MARK2: variants seen among roughly 807,000 people sequenced by gnomAD.
MARK2 encodes microtubule affinity regulating kinase 2, also known as serine/threonine-protein kinase MARK2.
MARK2 carries 16 observed loss-of-function variants against 89.8 expected under a neutral mutation model. The ratio of observed to expected loss-of-function variants is 0.18; its 90% confidence interval spans 0.12 to 0.27. The LOEUF is 0.27. MARK2 is among the 10% of genes least tolerant of loss of function. The pLI is 1.00. For missense variants in MARK2, 621 were observed against 1,049.9 expected (o/e 0.59, Z 5.65); for synonymous variants, 382 against 399.5 (o/e 0.96, Z 0.52).
At chr11:63,866,584 G>A (rs1938143473) in intron 1 of MARK2, among the ~76,000 whole-genome samples, 1 of 152,166 alleles carries the variant, frequency 6.6e-6, no homozygotes, top group Admixed American at 6.6e-5. Context: ...TTCACATTCA[G>A]AATGCTTCTA....
chr11:63,863,777 A>C (rs1188156188), intron 1 of MARK2, among the ~76,000 whole-genome samples: 3 of 142,618 alleles, frequency 2.1e-5, no homozygotes, highest in East Asian at 2.2e-4. Context: ...CCACACCACC[A>C]CCACTTTTTT....
At chr11:63,862,648 C>A (rs1430620130) in intron 1 of MARK2, among the ~76,000 whole-genome samples, 3 of 152,254 alleles carry the variant, frequency 2.0e-5, no homozygotes, top group South Asian at 4.1e-4. Context: ...CCTCTTTAAC[C>A]CCAGCTTCTG....
At chr11:63,907,615 G>A (rs1941450611) in intron 17 of MARK2, among the ~76,000 whole-genome samples, 1 of 148,660 alleles carries the variant, frequency 6.7e-6, no homozygotes. Context: ...CCCTGCGTAT[G>A]AGCAGATGGC....
At chr11:63,863,855 C>G (rs1937966799) in intron 1 of MARK2, among the ~76,000 whole-genome samples, 1 of 152,154 alleles carries the variant, frequency 6.6e-6, no homozygotes, top group African/African-American at 2.4e-5. Context: ...TCACTGCAGC[C>G]TCAGCCTCCT....
intron 1 of MARK2, among the ~76,000 whole-genome samples, chr11:63,858,423 G>C (rs772694004): frequency 6.6e-6 from 1 of 151,766 alleles, no homozygotes; most frequent in Non-Finnish European, 1.5e-5. Flanking sequence ...GCAATGGCAC[G>C]ATCTCCACTC....
intron 1 of MARK2, among the ~76,000 whole-genome samples, chr11:63,893,796 A>G (rs1940124632): frequency 6.6e-6 from 1 of 152,210 alleles, no homozygotes; most frequent in Non-Finnish European, 1.5e-5. Context: ...GCAAAATTCA[A>G]TCACTTTATT....
In MARK2 at chr11:63,900,343, G is replaced by A. The variant is rs189265392; in HGVS notation, c.769-216G>A. 3.3e-5 allele frequency among the ~76,000 whole-genome samples: 5 copies of A among 152,270 alleles called. No homozygotes were observed. Among genetic ancestry groups the A allele is most frequent in the East Asian group, 1.9e-4 (1 of 5,188 alleles). On this transcript the variant is annotated intron_variant, in intron 8 of 18. Coordinates refer to ENST00000402010, the MANE Select transcript of MARK2 (RefSeq NM_001039469.3). This position sits in a 1 kb window ranked among gnomAD's most constrained non-coding sequence, Gnocchi z 4.7. ...GTGTGTTCATCCCCCAAGGCACTCC[G>A]GATTGCAGGCCTCGGACTGGTCAAG...
intron 1 of MARK2, among the ~76,000 whole-genome samples, chr11:63,876,863 C>G (rs1444105445): frequency 1.3e-5 from 2 of 152,188 alleles, no homozygotes; most frequent in Non-Finnish European, 2.9e-5. Context: ...TTCCTCCCAG[C>G]CACTTGTTAA....
intron 1 of MARK2, among the ~76,000 whole-genome samples, chr11:63,856,831 G>GCTCTCTCA (rs1222323877): frequency 3.6e-4 from 36 of 100,828 alleles, no homozygotes; most frequent in Admixed American, 8.1e-4. Context: ...TCGCTCTCTC[G>GCTCTCTCA]CTCTCTCACT....
chr11:63,880,841 C>G (rs1209906779), intron 1 of MARK2, among the ~76,000 whole-genome samples: 1 of 152,210 alleles, frequency 6.6e-6, no homozygotes, highest in Middle Eastern at 3.2e-3. Flanking sequence ...GCTCATTACC[C>G]TCATGGGTAT....
chr11:63,876,996 A>G (rs1421935271), intron 1 of MARK2, among the ~76,000 whole-genome samples: 1 of 151,452 alleles, frequency 6.6e-6, no homozygotes, highest in Non-Finnish European at 1.5e-5. Context: ...TGCACCGAAG[A>G]GTGCCATTCC....
At chr11:63,885,568 C>T (rs1035135718) in intron 1 of MARK2, among the ~76,000 whole-genome samples, 5 of 151,428 alleles carry the variant, frequency 3.3e-5, no homozygotes, top group African/African-American at 1.2e-4. Context: ...GGCGTAGTGG[C>T]CCATGTCTGT....
intron 1 of MARK2, among the ~76,000 whole-genome samples, chr11:63,867,195 G>A (rs1389612754): frequency 2.0e-5 from 3 of 152,132 alleles, no homozygotes; most frequent in Non-Finnish European, 4.4e-5. Flanking sequence ...CCCAGCAAAT[G>A]TTTTGCGTTT....
intron 18 of MARK2, 152 bp downstream of exon 18, chr11:63,908,456 C>T (rs1286729571): frequency 4.6e-6 from 3 of 649,622 alleles, no homozygotes; most frequent in Non-Finnish European, 8.0e-6. Flanking sequence ...GAGAGTTTCC[C>T]CTTCCCAAAC....
In MARK2 at chr11:63,903,085, A is replaced by G; in HGVS notation, c.1441A>G (p.Asn481Asp). 6.2e-7 allele frequency: 1 copy of G among 1,614,034 alleles called. No individual in the cohort carries two copies. The highest frequency in any genetic ancestry group is 8.5e-7 in the Non-Finnish European group (1 of 1,179,970). The change falls in exon 14 of 19, where the codon AAT becomes GAT. Residue 481 changes from asparagine (N) to aspartate (D), a missense_variant. Transcript: ENST00000402010. The surrounding 1 kb of genome is among the most constrained non-coding windows in gnomAD (Gnocchi z 5.1). The stretch of plus-strand genomic sequence containing the variant: ...GAACAGCGTCCTCTCCACCAGCACA[A>G]ATCGAAGCAGGAATTCCCCACTTTT... ...STNSVLSTST[N>D]RSRNSPLLER... is the part of the protein sequence containing the mutation.
intron 1 of MARK2, among the ~76,000 whole-genome samples, chr11:63,866,090 TTTTAA>T (rs1366188244): frequency 6.6e-6 from 1 of 152,100 alleles, no homozygotes; most frequent in Non-Finnish European, 1.5e-5. Context: ...GAAATATATA[TTTTAA>T]GATAGTGTTA....
chr11:63,880,879 A>G lies in MARK2; in HGVS notation c.55-14280A>G, dbSNP rs192655493. On this transcript the variant is annotated intron_variant, in intron 1 of 18. Transcript: ENST00000402010. ...TTTGCAGAGTACACTGAAGTGGGCT[A>G]TCAGTTATCAGTTGGTCCCAGAGAC... is the stretch of plus-strand genomic sequence containing the variant. Among the ~76,000 whole-genome samples, 8 of 152,358 alleles carry G rather than the reference A, an allele frequency of 5.3e-5. No individual in the cohort carries two copies. In the East Asian group the frequency reaches 1.5e-3, roughly 29 times the overall value.
At position 63,904,695 on chromosome 11, in the gene MARK2, TC is replaced by T. The variant is rs374928693; in HGVS notation, c.1677-88del. The T allele has an allele frequency of 5.9e-4, 670 of 1,128,612 alleles. 4 individuals carry two copies. In the African/African-American group the frequency reaches 9.2e-3, roughly 16 times the overall value. The allele number at this position is 1,128,612 out of a possible 1,614,324, so 69.9% of individuals were successfully genotyped here. On this transcript the variant is annotated intron_variant, in intron 15 of 18. Transcript: ENST00000402010. This position sits in a 1 kb window ranked among gnomAD's most constrained non-coding sequence, Gnocchi z 6.3. ...GGCTGCCTCTGCCCTAGCATCCCCC[TC>T]CCTGTCCCCACCACAGGGTGTCCAG...
chr11:63,902,083 T>C lies in MARK2; in HGVS notation c.1102-115T>C. ...ATTGGTCTTACAAGTGGATGTCCGGTATGATCCTGGGGTGTTTGAGTGTTG... is the reference window on the plus strand; with the variant it reads ...ATTGGTCTTACAAGTGGATGTCCGGCATGATCCTGGGGTGTTTGAGTGTTG... On this transcript the variant is annotated intron_variant, in intron 11 of 18. Coordinates refer to ENST00000402010, the MANE Select transcript of MARK2 (RefSeq NM_001039469.3). This position sits in a 1 kb window ranked among gnomAD's most constrained non-coding sequence, Gnocchi z 4.2. 8.8e-7 allele frequency: 1 copy of C among 1,136,474 alleles called. No individual in the cohort carries two copies. The highest frequency in any genetic ancestry group is 1.3e-6 in the Non-Finnish European group (1 of 796,472). 70.4% of individuals were successfully genotyped at this position (1,136,474 alleles called of 1,614,324 possible).
Sources: allele counts gnomAD v4.1 joint callset (sites outside exome capture counted in the v4.1 genomes callset), GRCh38; gene constraint gnomAD v4.1.1; non-coding constraint Gnocchi (gnomAD v3.1); transcripts MANE v1.5; gene names NCBI Gene and HGNC (gene_info 2026-07-23, HGNC 2026-07-21).